The following CNOT4 variants were observed in gnomAD, a reference collection of about 807,000 sequenced individuals.
The protein encoded by CNOT4 is CCR4-NOT transcription complex subunit 4.
Under a neutral mutation model 73.8 loss-of-function variants are expected in CNOT4, and 8 were observed. That is an observed-to-expected ratio of 0.11 (90% CI 0.06 to 0.20). CNOT4 has a LOEUF of 0.20. CNOT4 is among the 10% of genes least tolerant of loss of function. The pLI is 1.00. For synonymous variants in CNOT4, 293 were observed against 321.1 expected (o/e 0.91, Z 0.94); for missense variants, 564 against 883.4 (o/e 0.64, Z 4.58).
chr7:135,422,592 G>A (rs1364241885), intron 2 of CNOT4, among the ~76,000 whole-genome samples: 7 of 151,888 alleles, frequency 4.6e-5, no homozygotes, highest in African/African-American at 4.8e-5. Context: ...AAACATCTAC[G>A]GTTTAAAGGC....
chr7:135,390,448 A>T (rs1028072551), intron 10 of CNOT4, among the ~76,000 whole-genome samples: 10 of 150,846 alleles, frequency 6.6e-5, no homozygotes, highest in Admixed American at 6.6e-5. Flanking sequence ...CAATAATAAT[A>T]AAAAAAAAGA....
chr7:135,408,984 T>C lies in CNOT4; in HGVS notation c.821+1531A>G, dbSNP rs187784706. On this transcript the variant is annotated intron_variant, in intron 7 of 11. Coordinates refer to ENST00000541284, the MANE Select transcript of CNOT4 (RefSeq NM_001190850.2). Reference sequence around the variant, plus strand: ...CATTTCCTTCAATAAAAACATATAGTTTTATATTCAGAAGACAACAAATGT... The same window carrying C: ...CATTTCCTTCAATAAAAACATATAGCTTTATATTCAGAAGACAACAAATGT... Among the ~76,000 whole-genome samples, 3 of 152,264 alleles carry C rather than the reference T, an allele frequency of 2.0e-5. No homozygotes were observed. The East Asian group carries it at 5.8e-4, about 29-fold the overall frequency.
intron 1 of CNOT4, among the ~76,000 whole-genome samples, chr7:135,443,619 C>T (rs1258155864): frequency 6.6e-6 from 1 of 152,120 alleles, no homozygotes; most frequent in South Asian, 2.1e-4. Flanking sequence ...AAGTTAAACT[C>T]TATGGCAAAT....
At chr7:135,432,688 T>C (rs551406820) in intron 2 of CNOT4, among the ~76,000 whole-genome samples, 24 of 152,288 alleles carry the variant, frequency 1.6e-4, no homozygotes, top group Non-Finnish European at 1.2e-4. Context: ...TTCCTTCATG[T>C]TGGTGGGGCA....
chr7:135,421,468 T>C (rs906008708), intron 3 of CNOT4, among the ~76,000 whole-genome samples: 2 of 152,124 alleles, frequency 1.3e-5, no homozygotes, highest in African/African-American at 4.8e-5. Flanking sequence ...TATCAGAAAC[T>C]AAAAATTACC....
At chr7:135,420,215 T>C (rs923500095) in intron 3 of CNOT4, among the ~76,000 whole-genome samples, 1 of 152,088 alleles carries the variant, frequency 6.6e-6, no homozygotes, top group Non-Finnish European at 1.5e-5. Context: ...GGTACATCCA[T>C]ATCCAAGAGC....
At chr7:135,430,871 TC>T (rs1798787026) in intron 2 of CNOT4, among the ~76,000 whole-genome samples, 1 of 152,172 alleles carries the variant, frequency 6.6e-6, no homozygotes, top group South Asian at 2.1e-4. Context: ...CTTAATGCCT[TC>T]CTGCTAAGAT....
At chr7:135,365,991 A>G (rs530382205) in intron 10 of CNOT4, among the ~76,000 whole-genome samples, 1 of 152,386 alleles carries the variant, frequency 6.6e-6, no homozygotes, top group South Asian at 2.1e-4. Flanking sequence ...AACTTAAAAT[A>G]GCTTCCAATT....
At chr7:135,365,193 C>G (rs1412891419) in intron 10 of CNOT4, among the ~76,000 whole-genome samples, 1 of 152,132 alleles carries the variant, frequency 6.6e-6, no homozygotes, top group Non-Finnish European at 1.5e-5. Flanking sequence ...CATGTTTCAA[C>G]AAGTGAAGCA....
chr7:135,456,938 T>C (rs1800571322), intron 1 of CNOT4, among the ~76,000 whole-genome samples: 1 of 152,024 alleles, frequency 6.6e-6, no homozygotes, highest in Non-Finnish European at 1.5e-5. Context: ...AGTCTTTATT[T>C]GCAGATGATA....
chr7:135,472,849 G>A (rs1300272397), intron 1 of CNOT4, among the ~76,000 whole-genome samples: 1 of 151,830 alleles, frequency 6.6e-6, no homozygotes, highest in Non-Finnish European at 1.5e-5. Flanking sequence ...AGGCCAGCCT[G>A]GGAAACACAG....
chr7:135,487,697 C>T (rs1802821842), intron 1 of CNOT4, among the ~76,000 whole-genome samples: 1 of 152,044 alleles, frequency 6.6e-6, no homozygotes, highest in Non-Finnish European at 1.5e-5. Context: ...TTATCTCATG[C>T]ATTGCTTTTT....
intron 1 of CNOT4, among the ~76,000 whole-genome samples, chr7:135,495,695 AAAGAAAGAAAGAAAGAAAG>A (rs1803492850): frequency 5.9e-4 from 9 of 15,332 alleles, no homozygotes; most frequent in East Asian, 2.5e-3. Flanking sequence ...AAAAAAAAAG[AAAGAAAGAAAGAAAGAAAG>A]AAAGAAAGAA....
chr7:135,415,110 T>C (rs1797789423), intron 4 of CNOT4, 66 bp downstream of exon 4: 20 of 932,868 alleles, frequency 2.1e-5, no homozygotes, highest in South Asian at 1.9e-4. Context: ...CAAAGTTTCC[T>C]TTGGAACAGC....
Position 135,378,651 on chromosome 7 carries a change from A to C in CNOT4, c.1628-14585T>G, listed in dbSNP as rs1025867674. 2.4e-4 allele frequency among the ~76,000 whole-genome samples: 37 copies of C among 151,884 alleles called. 1 individual carries two copies. Among genetic ancestry groups the C allele is most frequent in the African/African-American group, 8.2e-4 (34 of 41,338 alleles). On this transcript the variant is annotated intron_variant, in intron 10 of 11. Coordinates refer to ENST00000541284, the MANE Select transcript of CNOT4 (RefSeq NM_001190850.2). ...GGTAATTGAGTAAAAAGACTGAGAAAACACTCAGTAGACTGATGGAGAGAG... is the reference window on the plus strand; with the variant it reads ...GGTAATTGAGTAAAAAGACTGAGAACACACTCAGTAGACTGATGGAGAGAG...
At chr7:135,455,236 T>C (rs887176175) in intron 1 of CNOT4, among the ~76,000 whole-genome samples, 1 of 150,198 alleles carries the variant, frequency 6.7e-6, no homozygotes, top group Non-Finnish European at 1.5e-5. Flanking sequence ...ATCATACCAG[T>C]GCACTCCAGC....
intron 1 of CNOT4, among the ~76,000 whole-genome samples, chr7:135,457,467 T>C (rs923426645): frequency 4.6e-5 from 7 of 152,066 alleles, no homozygotes; most frequent in African/African-American, 1.7e-4. Flanking sequence ...GTAAGGGATA[T>C]ACCTTAAAAT....
rs10253440 is a variant in CNOT4 at position 135,423,231 on chromosome 7, A to G, written c.175-878T>C. Among the ~76,000 whole-genome samples the G allele has an allele frequency of 3.0e-3, 461 of 152,172 alleles. 3 individuals are homozygous for G. Among genetic ancestry groups the G allele is most frequent in the African/African-American group, 0.011 (437 of 41,504 alleles). ...ACCCGTGCACACACAACACCAACATAGGGGCACATTAAATGCCATAATATT... is the reference window on the plus strand; with the variant it reads ...ACCCGTGCACACACAACACCAACATGGGGGCACATTAAATGCCATAATATT... On this transcript the variant is annotated intron_variant, in intron 2 of 11. Transcript: ENST00000541284.
At chr7:135,481,521 A>G (rs1423607834) in intron 1 of CNOT4, among the ~76,000 whole-genome samples, 1 of 152,228 alleles carries the variant, frequency 6.6e-6, no homozygotes. Context: ...TACAACTACT[A>G]TGAAAAACAG....
Sources: allele counts gnomAD v4.1 joint callset (sites outside exome capture counted in the v4.1 genomes callset), GRCh38; gene constraint gnomAD v4.1.1; transcripts MANE v1.5; gene names NCBI Gene and HGNC (gene_info 2026-07-23, HGNC 2026-07-21).